Variants in SGSM2 observed in about 807,000 individuals in gnomAD.
SGSM2 encodes RUN and TBC1 domain containing 1.
In SGSM2, 89 loss-of-function variants were observed where a neutral mutation model predicts 126.6. That is an observed-to-expected ratio of 0.70 (90% confidence interval 0.59 to 0.84). The LOEUF (loss-of-function observed/expected upper bound fraction) is 0.84. Among genes scored for constraint, SGSM2 ranks in the 40% least tolerant of loss-of-function variants. The pLI is 0.00. For missense variants in SGSM2, 1,404 were observed against 1,416.6 expected (o/e 0.99, Z 0.14); for synonymous variants, 614 against 574.3 (o/e 1.07, Z -0.99).
chr17:2,344,845 C>T (rs193109369), intron 2 of SGSM2, among the ~76,000 whole-genome samples: 5 of 152,252 alleles, frequency 3.3e-5, no homozygotes, highest in Admixed American at 6.5e-5. Context: ...CAGTTTGCTC[C>T]TCTAAAAACA....
intron 19 of SGSM2, chr17:2,376,475 G>A: frequency 1.5e-6 from 1 of 675,106 alleles, no homozygotes; most frequent in Admixed American, 2.8e-5. Flanking sequence ...CACCTCTTCA[G>A]GAAGCTTTCC....
At chr17:2,351,899 A>G (rs898750) in intron 2 of SGSM2, among the ~76,000 whole-genome samples, 67,194 of 151,884 alleles carry the variant, frequency 0.44, 15,135 homozygotes, top group East Asian at 0.63. Context: ...ATGCCTTCCA[A>G]AGTTGAAGCA....
chr17:2,380,219 C>G lies in SGSM2; in HGVS notation c.*699C>G, dbSNP rs1201043605. The G allele has an allele frequency of 1.3e-6, 2 of 1,535,702 alleles. No homozygotes were observed. Among genetic ancestry groups the G allele is most frequent in the Non-Finnish European group, 1.7e-6 (2 of 1,146,568 alleles). On this transcript the variant is annotated 3_prime_UTR_variant, in exon 24 of 24. Transcript: ENST00000268989. The stretch of plus-strand genomic sequence containing the variant: ...CCTTGTACAGTGTACCTCTGTGTAT[C>G]TGTACAGCCTCGCTCCTGCCACCCC...
At chr17:2,376,589 C>T (rs2066167646) in intron 19 of SGSM2, 144 bp from the exon 20 acceptor site, 1 of 914,332 alleles carries the variant, frequency 1.1e-6, no homozygotes, top group Non-Finnish European at 1.7e-6. Flanking sequence ...CGTTGTCTCC[C>T]TGTGGGGGGT....
intron 17 of SGSM2, 176 bp downstream of exon 17, chr17:2,373,689 T>G: frequency 1.6e-6 from 1 of 606,882 alleles, no homozygotes; most frequent in South Asian, 2.0e-5. Flanking sequence ...CTCTGCTGCC[T>G]ACTTCTCTGG....
At chr17:2,375,183 C>T (rs1328859418) in intron 17 of SGSM2, 1 of 284,440 alleles carries the variant, frequency 3.5e-6, no homozygotes, top group Non-Finnish European at 6.6e-6. Flanking sequence ...AGACTGAGTT[C>T]AAACTGGCCA....
intron 1 of SGSM2, among the ~76,000 whole-genome samples, chr17:2,342,596 T>G (rs2064421503): frequency 6.6e-6 from 1 of 152,230 alleles, no homozygotes; most frequent in African/African-American, 2.4e-5. Flanking sequence ...GTGTTCAGTT[T>G]GTGAAAATTC....
chr17:2,377,101 C>T (rs777185636), intron 21 of SGSM2, 33 bp downstream of exon 21: 15 of 1,425,002 alleles, frequency 1.1e-5, no homozygotes, highest in South Asian at 6.0e-5. Context: ...GGCATGGGAG[C>T]AGGCAGTGCT....
At position 2,356,987 on chromosome 17, in the gene SGSM2, C is replaced by T. The variant is rs186533368; in HGVS notation, c.134-4650C>T. Among the ~76,000 whole-genome samples the T allele has an allele frequency of 5.0e-4, 75 of 151,490 alleles. 11 individuals are homozygous for T. Among genetic ancestry groups the T allele is most frequent in the Middle Eastern group, 3.4e-3 (1 of 294 alleles). ...GGGGTGTAAGGGTTAGGGAAGGGACCCCATATCTTAGAATGGTGGAATTGG... is the reference window on the plus strand; with the variant it reads ...GGGGTGTAAGGGTTAGGGAAGGGACTCCATATCTTAGAATGGTGGAATTGG... On this transcript the variant is annotated intron_variant, in intron 2 of 23. Transcript: ENST00000268989.
chr17:2,363,502 A>T lies in SGSM2; in HGVS notation c.710A>T (p.Asp237Val), dbSNP rs758125098. 6.2e-7 allele frequency: 1 copy of T among 1,613,450 alleles called. No homozygotes were observed. Among genetic ancestry groups the T allele is most frequent in the Non-Finnish European group, 8.5e-7 (1 of 1,179,990 alleles). ...CACTCAAGCGGCAGCGCGTCGGAGGACAGGCTGGCTGCCTGTGCCCGCGAG... is the reference window on the plus strand; with the variant it reads ...CACTCAAGCGGCAGCGCGTCGGAGGTCAGGCTGGCTGCCTGTGCCCGCGAG... ...KRHSSGSASE[D>V]RLAACARECV... The change falls in exon 7 of 24, where the codon GAC becomes GTC. Residue 237 changes from aspartate to valine, a missense_variant. By Grantham distance (152) the Asp-to-Val change is radical. Transcript: ENST00000268989. This position sits in a 1 kb window ranked among gnomAD's most constrained non-coding sequence, Gnocchi z 4.2.
In SGSM2 at chr17:2,363,813, G is replaced by T; in HGVS notation, c.807+214G>T. The T allele has an allele frequency of 1.2e-6, 1 of 823,834 alleles. No individual in the cohort carries two copies. Among genetic ancestry groups the T allele is most frequent in the Non-Finnish European group, 1.9e-6 (1 of 536,648 alleles). 51.0% of individuals were successfully genotyped at this position (823,834 alleles called of 1,614,324 possible). A position where few individuals can be genotyped will look rare whatever the true frequency, so the allele number is the denominator to read the frequency against. On this transcript the variant is annotated intron_variant, in intron 7 of 23. Transcript: ENST00000268989. This position sits in a 1 kb window ranked among gnomAD's most constrained non-coding sequence, Gnocchi z 4.2. Reference sequence around the variant, plus strand: ...AGCCAGCAGGCGAGGGGAGTCCGCAGTGTGGGTATGGCTGGCCTGGAATGG... The same window carrying T: ...AGCCAGCAGGCGAGGGGAGTCCGCATTGTGGGTATGGCTGGCCTGGAATGG...
At position 2,371,258 on chromosome 17, in the gene SGSM2, G is replaced by A. The variant is rs778186854; in HGVS notation, c.1424-4G>A. The stretch of plus-strand genomic sequence containing the variant: ...CCTGACCATGCCACCCTTCCTGCCC[G>A]CAGACGCTGGTGACATGATCGAGAT... On this transcript the variant is annotated splice_polypyrimidine_tract_variant and splice_region_variant and intron_variant, in intron 12 of 23. Transcript: ENST00000268989. The A allele has an allele frequency of 6.8e-6, 11 of 1,609,704 alleles. No homozygotes were observed. The highest frequency in any genetic ancestry group is 4.5e-5 in the East Asian group (2 of 44,758).
chr17:2,361,066 A>G (rs1414481510), intron 2 of SGSM2, among the ~76,000 whole-genome samples: 3 of 152,148 alleles, frequency 2.0e-5, no homozygotes, highest in Non-Finnish European at 4.4e-5. Flanking sequence ...GAAAGTCCAG[A>G]CAGAGACTAA....
intron 22 of SGSM2, among the ~76,000 whole-genome samples, chr17:2,378,562 TGAAAA>T (rs1437143747): frequency 4.6e-5 from 7 of 151,210 alleles, no homozygotes; most frequent in South Asian, 2.1e-4. Context: ...AAGAAAAAAT[TGAAAA>T]GAAAACAAAA....
rs112104570 is a variant in SGSM2 at position 2,371,498 on chromosome 17, C to A, written c.1577+83C>A. On this transcript the variant is annotated intron_variant, in intron 13 of 23. Transcript: ENST00000268989. Reference sequence around the variant, plus strand: ...CCGTCTGTCCTTAAAGGCCGTGTCACCTGCACGACAGGGTGGCCTCTAGAG... The same window carrying A: ...CCGTCTGTCCTTAAAGGCCGTGTCAACTGCACGACAGGGTGGCCTCTAGAG... 2.2e-5 allele frequency: 32 copies of A among 1,472,450 alleles called. No homozygotes were observed. The African/African-American group carries it at 2.6e-4, about 12-fold the overall frequency. The allele number at this position is 1,472,450 out of a possible 1,614,324, so 91.2% of individuals were successfully genotyped here. A position where few individuals can be genotyped will look rare whatever the true frequency, so the allele number is the denominator to read the frequency against.
chr17:2,371,294 G>A lies in SGSM2; in HGVS notation c.1456G>A (p.Gly486Arg). 1.2e-6 allele frequency: 2 copies of A among 1,612,358 alleles called. No homozygotes were observed. Among genetic ancestry groups the A allele is most frequent in the Non-Finnish European group, 1.7e-6 (2 of 1,179,894 alleles). The change falls in exon 13 of 24, where the codon GGG (glycine) becomes AGG (arginine). Residue 486 changes from glycine to arginine, a missense_variant. Coordinates refer to ENST00000268989, the MANE Select transcript of SGSM2 (RefSeq NM_014853.3). ...AGDMIEMQGFGPSLPAWHLEP... is the reference protein window; with the variant it reads ...AGDMIEMQGFRPSLPAWHLEP... ...TGACATGATCGAGATGCAGGGCTTT[G>A]GGCCCAGCCTGCCAGCCTGGCACCT...
chr17:2,354,778 TC>T (rs1219892130), intron 2 of SGSM2, among the ~76,000 whole-genome samples: 4 of 152,266 alleles, frequency 2.6e-5, no homozygotes, highest in African/African-American at 9.6e-5. Flanking sequence ...ATCTGTGTCT[TC>T]CTGGCGTCTC....
At position 2,363,640 on chromosome 17, in the gene SGSM2, C is replaced by T. The variant is rs898997327; in HGVS notation, c.807+41C>T. The T allele has an allele frequency of 2.5e-6, 4 of 1,603,162 alleles. No individual in the cohort carries two copies. Among genetic ancestry groups the T allele is most frequent in the African/African-American group, 2.7e-5 (2 of 74,796 alleles). The stretch of plus-strand genomic sequence containing the variant: ...CCTGCCATCCCTCCCCGAAGGTCCC[C>T]GAACGAGACGACTGGAAGCCTCTAG... On this transcript the variant is annotated intron_variant, in intron 7 of 23. Transcript: ENST00000268989. The surrounding 1 kb of genome is among the most constrained non-coding windows in gnomAD (Gnocchi z 4.2).
Position 2,375,720 on chromosome 17 carries a change from G to C in SGSM2, c.2329G>C (p.Glu777Gln). 6.2e-7 allele frequency: 1 copy of C among 1,610,948 alleles called. No homozygotes were observed. Among genetic ancestry groups the C allele is most frequent in the Middle Eastern group, 1.7e-4 (1 of 5,858 alleles). The change falls in exon 18 of 24, where the codon GAA becomes CAA. Residue 777 changes from glutamate to glutamine, a missense_variant. Transcript: ENST00000268989. ...AGATGAGGGGCAGAGCGTGGGCTTC[G>C]AAGAGGAGGACGGCGGTGGGGAGGA... Reference protein sequence around the residue: ...SLDEGQSVGFEEEDGGGEEGS... With the variant: ...SLDEGQSVGFQEEDGGGEEGS...
Sources: gnomAD v4.1 joint callset for allele counts (sites outside exome capture counted in the v4.1 genomes callset) on GRCh38, gnomAD v4.1.1 for gene constraint, Gnocchi (gnomAD v3.1) non-coding constraint, MANE v1.5 for transcripts, NCBI Gene and HGNC (gene_info 2026-07-23, HGNC 2026-07-21) for gene names.